CHMP6: variants seen among roughly 807,000 people sequenced by gnomAD.
CHMP6 encodes the protein chromatin-modifying protein 6.
In CHMP6, 10 loss-of-function variants were observed where a neutral mutation model predicts 32.8. The observed-to-expected ratio is 0.30, with a 90% CI of 0.19 to 0.52. The LOEUF is 0.52. Ranked by LOEUF, CHMP6 falls within the 20% of genes least tolerant of loss-of-function variation. CHMP6 has a pLI of 0.97. For missense variants in CHMP6, 269 were observed against 263.8 expected (o/e 1.02, Z -0.14); for synonymous variants, 123 against 105.8 (o/e 1.16, Z -1.00).
At position 80,995,117 on chromosome 17, in the gene CHMP6, G is replaced by A. The variant is rs1407668270; in HGVS notation, c.261+11G>A. 1.4e-5 allele frequency: 23 copies of A among 1,591,972 alleles called. No individual in the cohort carries two copies. The highest frequency in any genetic ancestry group is 1.7e-5 in the Non-Finnish European group (20 of 1,171,468). ...AGCCTGGAGGCCATGGTAGGCGGCCGGGTGCTTCGCCCTGGAGTGCAGGTG... is the reference window on the plus strand; with the variant it reads ...AGCCTGGAGGCCATGGTAGGCGGCCAGGTGCTTCGCCCTGGAGTGCAGGTG... On this transcript the variant is annotated intron_variant, in intron 3 of 7. Coordinates refer to ENST00000325167, the MANE Select transcript of CHMP6 (RefSeq NM_024591.5).
chr17:80,999,068 G>A (rs767888725), intron 7 of CHMP6, 30 bp from the exon 8 acceptor site: 19 of 1,613,052 alleles, frequency 1.2e-5, no homozygotes, highest in African/African-American at 9.3e-5. Context: ...GGTCTTTGGC[G>A]TGTCATAAAC....
In CHMP6 at chr17:80,999,872, G is replaced by A. The variant is rs1598441158; in HGVS notation, c.*719G>A. 6.6e-6 allele frequency: 1 copy of A among 151,788 alleles called. No individual in the cohort carries two copies. The highest frequency in any genetic ancestry group is 2.0e-4 in the East Asian group (1 of 5,094). The allele number at this position is 151,788 out of a possible 1,614,324, so 9.4% of individuals were successfully genotyped here. On this transcript the variant is annotated 3_prime_UTR_variant, in exon 8 of 8. Transcript: ENST00000325167. ...TGCTCCGGCAGGTGCAGCCCCGGAA[G>A]TTTGTCCATGGGGGTCCCCGCGGCT...
intron 1 of CHMP6, 123 bp from the exon 2 acceptor site, chr17:80,994,458 G>C: frequency 1.3e-6 from 1 of 754,552 alleles, no homozygotes; most frequent in South Asian, 2.1e-5. Context: ...TCCCCTGGAA[G>C]GCAACCCTGC....
Position 80,998,362 on chromosome 17 carries a change from G to A in CHMP6, c.496-4G>A. ...CTCATAGCCTTACCCTTTGCTTCTT[G>A]CAGGAACAAATAGAGCTGCCAGAGG... On this transcript the variant is annotated splice_region_variant and splice_polypyrimidine_tract_variant and intron_variant, in intron 6 of 7. Transcript: ENST00000325167. The A allele has an allele frequency of 1.2e-6, 2 of 1,614,186 alleles. No individual in the cohort carries two copies. The highest frequency in any genetic ancestry group is 1.7e-6 in the Non-Finnish European group (2 of 1,180,002).
chr17:80,997,218 G>A, intron 5 of CHMP6, 43 bp from the exon 6 acceptor site: 1 of 1,610,940 alleles, frequency 6.2e-7, no homozygotes, highest in Non-Finnish European at 8.5e-7. Context: ...CTCCCTGAGG[G>A]GCCACCTCCT....
intron 1 of CHMP6, 97 bp from the exon 2 acceptor site, chr17:80,994,484 C>CA (rs1190224068): frequency 9.2e-7 from 1 of 1,091,334 alleles, no homozygotes; most frequent in Admixed American, 2.7e-5. Flanking sequence ...GAAGGACACT[C>CA]ACGGAGGGCC....
intron 5 of CHMP6, 58 bp from the exon 6 acceptor site, chr17:80,997,203 C>T (rs1289459707): frequency 6.2e-6 from 10 of 1,607,460 alleles, no homozygotes; most frequent in South Asian, 1.1e-5. Flanking sequence ...CAGGCCATCT[C>T]CTTCCTCCCT....
chr17:80,994,011 C>A (rs1448866380), intron 1 of CHMP6, among the ~76,000 whole-genome samples: 2 of 152,174 alleles, frequency 1.3e-5, no homozygotes, highest in East Asian at 3.9e-4. Context: ...CTCCCGGGTT[C>A]ACGCTGTTCT....
intron 3 of CHMP6, among the ~76,000 whole-genome samples, chr17:80,995,412 G>A (rs1366598552): frequency 2.6e-5 from 4 of 152,142 alleles, no homozygotes; most frequent in East Asian, 1.9e-4. Flanking sequence ...TTAGGGACCC[G>A]AGCGGCGTGG....
chr17:80,998,717 C>T (rs1317866552), intron 7 of CHMP6: 2 of 1,355,970 alleles, frequency 1.5e-6, no homozygotes, highest in East Asian at 2.9e-5. Flanking sequence ...GGGTGTAGCC[C>T]AGGATTAGCC....
At chr17:80,998,249 C>T (rs1055705090) in intron 6 of CHMP6, 117 bp from the exon 7 acceptor site, 23 of 1,215,820 alleles carry the variant, frequency 1.9e-5, no homozygotes, top group Non-Finnish European at 2.7e-5. Flanking sequence ...CGTTCCTGTC[C>T]GCTTTAACTC....
chr17:80,997,308 C>A lies in CHMP6; in HGVS notation c.462C>A (p.Asp154Glu), dbSNP rs751661361. Residue 154 changes from aspartate to glutamate, a missense_variant, in exon 6 of 8, where the codon GAC (aspartate) becomes GAA (glutamate). Physicochemically the swap from Asp to Glu is conservative, Grantham distance 45. Coordinates refer to ENST00000325167, the MANE Select transcript of CHMP6 (RefSeq NM_024591.5). ...LAGSFTQEDE[D>E]AILEELSAIT... ...GAAGCTTCACTCAGGAGGATGAAGA[C>A]GCCATCCTGGAGGAGCTGAGCGCAA... The A allele has an allele frequency of 2.1e-6, 3 of 1,430,114 alleles. No homozygotes were observed. In the African/African-American group the frequency reaches 4.7e-5, roughly 22 times the overall value. 88.6% of individuals were successfully genotyped at this position (1,430,114 alleles called of 1,614,324 possible). A position where few individuals can be genotyped will look rare whatever the true frequency, so the allele number is the denominator to read the frequency against.
intron 1 of CHMP6, among the ~76,000 whole-genome samples, chr17:80,992,450 G>A (rs1404333323): frequency 2.0e-5 from 3 of 152,224 alleles, no homozygotes; most frequent in Non-Finnish European, 4.4e-5. Flanking sequence ...AGCCCCGGCG[G>A]TGCTGCCGGC....
intron 1 of CHMP6, among the ~76,000 whole-genome samples, chr17:80,993,170 CG>C (rs1445274741): frequency 6.6e-6 from 1 of 152,222 alleles, no homozygotes; most frequent in Non-Finnish European, 1.5e-5. Flanking sequence ...TGTGGGCTCT[CG>C]GCTGTGCAGA....
rs1193016181 is a variant in CHMP6, at chr17:80,991,915, C to T, written c.-4C>T. 1.4e-6 allele frequency: 2 copies of T among 1,456,388 alleles called. No individual in the cohort carries two copies. The highest frequency in any genetic ancestry group is 2.3e-5 in the Admixed American group (1 of 43,288). 90.2% of individuals were successfully genotyped at this position (1,456,388 alleles called of 1,614,324 possible). On this transcript the variant is annotated 5_prime_UTR_variant, in exon 1 of 8. Coordinates refer to ENST00000325167, the MANE Select transcript of CHMP6 (RefSeq NM_024591.5). ...TGGGTCCCGGGCCAGGGGCGGGCGCCGCCATGGGTAACCTGTTCGGCCGCA... is the reference window on the plus strand; with the variant it reads ...TGGGTCCCGGGCCAGGGGCGGGCGCTGCCATGGGTAACCTGTTCGGCCGCA...
Position 80,999,729 on chromosome 17 carries a change from A to C in CHMP6, c.*576A>C, listed in dbSNP as rs2069669935. ...ACCTCCAGTTTGAAGGTGGCGGGCCAGGGGCTTTCTTGCTGAATTGACGAC... is the reference window on the plus strand; with the variant it reads ...ACCTCCAGTTTGAAGGTGGCGGGCCCGGGGCTTTCTTGCTGAATTGACGAC... On this transcript the variant is annotated 3_prime_UTR_variant, in exon 8 of 8. Transcript: ENST00000325167. The C allele has an allele frequency of 6.5e-6, 1 of 152,694 alleles. No individual in the cohort carries two copies. Among genetic ancestry groups the C allele is most frequent in the Non-Finnish European group, 1.5e-5 (1 of 68,496 alleles). The allele number at this position is 152,694 out of a possible 1,614,324, so 9.5% of individuals were successfully genotyped here.
intron 7 of CHMP6, 108 bp from the exon 8 acceptor site, chr17:80,998,990 G>T (rs987238116): frequency 3.1e-6 from 4 of 1,307,908 alleles, no homozygotes; most frequent in Non-Finnish European, 4.3e-6. Flanking sequence ...CTTCCCTAGT[G>T]CGAAGTCCCC....
Position 80,995,752 on chromosome 17 carries a change from G to GCACC in CHMP6, c.343_346dup (p.Gln116ProfsTer7). ...TTGGAAATGAGTGTCTGAACAAGAT[G>GCACC]CACCAGGTGAGTCTCTGCAGGGCCA... On this transcript the variant is annotated frameshift_variant, in exon 4 of 8. Coordinates refer to ENST00000325167, the MANE Select transcript of CHMP6 (RefSeq NM_024591.5). LOFTEE classifies it high-confidence loss of function. The GCACC allele has an allele frequency of 6.2e-7, 1 of 1,613,956 alleles. No individual in the cohort carries two copies. Among genetic ancestry groups the GCACC allele is most frequent in the Non-Finnish European group, 8.5e-7 (1 of 1,179,862 alleles).
At chr17:80,992,034 G>A (rs1045323431) in intron 1 of CHMP6, 53 bp downstream of exon 1, 13 of 1,255,022 alleles carry the variant, frequency 1.0e-5, no homozygotes, top group South Asian at 2.4e-5. Context: ...CGACGGGGCC[G>A]GGGCGGGCGG....
Sources: gnomAD v4.1 joint callset for allele counts (sites outside exome capture counted in the v4.1 genomes callset) on GRCh38, gnomAD v4.1.1 for gene constraint, MANE v1.5 for transcripts, NCBI Gene and HGNC (gene_info 2026-07-23, HGNC 2026-07-21) for gene names.